Variants in ZNF236 observed in about 807,000 individuals in gnomAD.
The protein encoded by ZNF236 is zinc finger protein 236.
In ZNF236, 50 loss-of-function variants were observed where a neutral mutation model predicts 191.2. The observed-to-expected ratio is 0.26, with a 90% CI of 0.21 to 0.33. The LOEUF (loss-of-function observed/expected upper bound fraction) is 0.33. Ranked by LOEUF, ZNF236 falls within the 10% of genes least tolerant of loss-of-function variation. ZNF236 has a pLI of 1.00. For synonymous variants in ZNF236, 907 were observed against 928.8 expected (o/e 0.98, Z 0.43); for missense variants, 1,754 against 2,374.5 (o/e 0.74, Z 5.43).
intron 1 of ZNF236, among the ~76,000 whole-genome samples, chr18:76,831,263 T>C (rs911593395): frequency 1.3e-5 from 2 of 152,232 alleles, no homozygotes; most frequent in African/African-American, 4.8e-5. Flanking sequence ...ATTGTCCTTA[T>C]AGTTTTGCCT....
intron 3 of ZNF236, among the ~76,000 whole-genome samples, chr18:76,858,382 C>A (rs908168700): frequency 2.0e-5 from 3 of 152,138 alleles, no homozygotes; most frequent in African/African-American, 7.2e-5. Flanking sequence ...CTTTTTTGAA[C>A]AATTTTCAAG....
intron 12 of ZNF236, 107 bp downstream of exon 12, chr18:76,904,628 A>G: frequency 1.0e-6 from 1 of 998,204 alleles, no homozygotes; most frequent in Non-Finnish European, 1.4e-6. Flanking sequence ...TTGGTATTAA[A>G]GATGTCACAT....
Position 76,912,395 on chromosome 18 carries a change from C to G in ZNF236, c.2909+48C>G, listed in dbSNP as rs756970237. ...TCATGGTATTGCCGGCTCCCAGGAA[C>G]GGATGCTGCTGTGTGTTTGCCCCGC... On this transcript the variant is annotated intron_variant, in intron 17 of 30. Coordinates refer to ENST00000320610, the MANE Select transcript of ZNF236 (RefSeq NM_001306089.2). 14 of 1,426,646 alleles carry G rather than the reference C, an allele frequency of 9.8e-6. No individual in the cohort carries two copies. The African/African-American group carries it at 2.0e-4, about 20-fold the overall frequency. The allele number at this position is 1,426,646 out of a possible 1,614,324, so 88.4% of individuals were successfully genotyped here. A position where few individuals can be genotyped will look rare whatever the true frequency, so the allele number is the denominator to read the frequency against.
intron 3 of ZNF236, among the ~76,000 whole-genome samples, chr18:76,856,677 T>C (rs1424824052): frequency 6.6e-6 from 1 of 152,162 alleles, no homozygotes; most frequent in East Asian, 1.9e-4. Context: ...TGTGTGGGGA[T>C]TATTGGTCTT....
chr18:76,862,021 G>A (rs1230605010), intron 3 of ZNF236, among the ~76,000 whole-genome samples: 5 of 152,044 alleles, frequency 3.3e-5, no homozygotes, highest in African/African-American at 4.8e-5. Context: ...CCGTCACCAC[G>A]CCCGGCTAGT....
At chr18:76,895,819 C>A (rs1977388571) in intron 10 of ZNF236, among the ~76,000 whole-genome samples, 1 of 150,926 alleles carries the variant, frequency 6.6e-6, no homozygotes, top group African/African-American at 2.4e-5. Context: ...ACAGGTACTA[C>A]TGCTCACAAA....
chr18:76,834,558 C>G (rs1201312262), intron 1 of ZNF236: 4 of 485,012 alleles, frequency 8.2e-6, no homozygotes, highest in Non-Finnish European at 1.6e-5. Flanking sequence ...TGATAACCAC[C>G]TTGCTGGGGT....
intron 8 of ZNF236, 103 bp from the exon 9 acceptor site, chr18:76,881,181 T>G: frequency 1.0e-6 from 1 of 989,782 alleles, no homozygotes; most frequent in Non-Finnish European, 1.5e-6. Context: ...TTCTTATTTC[T>G]TGGAGTGGAA....
intron 8 of ZNF236, 97 bp from the exon 9 acceptor site, chr18:76,881,187 T>C: frequency 9.7e-7 from 1 of 1,028,504 alleles, no homozygotes; most frequent in Non-Finnish European, 1.4e-6. Context: ...TTTCTTGGAG[T>C]GGAATTAGAA....
intron 5 of ZNF236, among the ~76,000 whole-genome samples, chr18:76,873,682 C>T (rs1331509323): frequency 6.6e-6 from 1 of 152,196 alleles, no homozygotes; most frequent in Non-Finnish European, 1.5e-5. Context: ...CAGCAGGGCT[C>T]CTGTCCAAAG....
At chr18:76,947,840 C>T (rs902236504) in intron 27 of ZNF236, among the ~76,000 whole-genome samples, 188 bp downstream of exon 27, 10 of 152,028 alleles carry the variant, frequency 6.6e-5, no homozygotes, top group African/African-American at 2.4e-4. Flanking sequence ...ATGACAGGTA[C>T]GATATCTCAT....
rs529887684 is a variant in ZNF236, at chr18:76,971,673, C to T, written c.*3334C>T. Among the ~76,000 whole-genome samples the T allele has an allele frequency of 6.6e-6, 1 of 152,238 alleles. No individual in the cohort carries two copies. The highest frequency in any genetic ancestry group is 2.4e-5 in the African/African-American group (1 of 41,550). ...GATTTCTTGTCTTGCTGTGGGTTTTCCTCATTTTAGAAGAATATTTGTAAC... is the reference window on the plus strand; with the variant it reads ...GATTTCTTGTCTTGCTGTGGGTTTTTCTCATTTTAGAAGAATATTTGTAAC... On this transcript the variant is annotated 3_prime_UTR_variant, in exon 31 of 31. Coordinates refer to ENST00000320610, the MANE Select transcript of ZNF236 (RefSeq NM_001306089.2).
chr18:76,968,488 TC>T lies in ZNF236; in HGVS notation c.*150del. The T allele has an allele frequency of 3.5e-6, 5 of 1,415,380 alleles. No homozygotes were observed. The highest frequency in any genetic ancestry group is 9.1e-7 in the Non-Finnish European group (1 of 1,097,034). 87.7% of individuals were successfully genotyped at this position (1,415,380 alleles called of 1,614,324 possible). Reference sequence around the variant, plus strand: ...AAATTATCTAAAGAATCATTGTCTTTCAGAGACTCATAGGAAAAAAAAACTA... The same window carrying T: ...AAATTATCTAAAGAATCATTGTCTTTAGAGACTCATAGGAAAAAAAAACTA... On this transcript the variant is annotated 3_prime_UTR_variant, in exon 31 of 31. Transcript: ENST00000320610.
intron 10 of ZNF236, among the ~76,000 whole-genome samples, chr18:76,896,389 TCGAACACAGTAC>T (rs1470016350): frequency 8.5e-6 from 1 of 118,274 alleles, no homozygotes; most frequent in Non-Finnish European, 1.8e-5. Flanking sequence ...AAACTCAGTA[TCGAACACAGTAC>T]CAAACACAGT....
chr18:76,865,567 T>C (rs1976383742), intron 3 of ZNF236, among the ~76,000 whole-genome samples: 1 of 152,170 alleles, frequency 6.6e-6, no homozygotes. Flanking sequence ...GCAGGTACTT[T>C]GAGGTCTGGG....
chr18:76,964,143 G>A (rs1362356178), intron 30 of ZNF236, among the ~76,000 whole-genome samples: 1 of 152,136 alleles, frequency 6.6e-6, no homozygotes, highest in African/African-American at 2.4e-5. Flanking sequence ...AGTTCCTTGA[G>A]GTGTGACCTT....
rs758264822 is a variant in ZNF236, at chr18:76,894,988, C to A, written c.1418-25C>A. On this transcript the variant is annotated intron_variant, in intron 9 of 30. Coordinates refer to ENST00000320610, the MANE Select transcript of ZNF236 (RefSeq NM_001306089.2). The stretch of plus-strand genomic sequence containing the variant: ...CCCTAGGCGGGGTGTCCAGGCCAAG[C>A]GGGACGTGTCCTCTCCCTTCACAGG... 3 of 1,602,982 alleles carry A rather than the reference C, an allele frequency of 1.9e-6. No homozygotes were observed. The Admixed American group carries it at 5.0e-5, about 27-fold the overall frequency.
At chr18:76,947,744 G>A (rs1968300146) in intron 27 of ZNF236, 92 bp downstream of exon 27, 3 of 1,458,564 alleles carry the variant, frequency 2.1e-6, no homozygotes, top group Admixed American at 2.2e-5. Context: ...TGGGCGTGCT[G>A]TGTGACCCAG....
rs114037846 is a variant in ZNF236 at position 76,883,229 on chromosome 18, G to A, written c.1417+1717G>A. Reference sequence around the variant, plus strand: ...TAGTTTGGGGTGCTGTGTTTACAGAGTTGGTAACAATTAGGTACTTTCTGG... The same window carrying A: ...TAGTTTGGGGTGCTGTGTTTACAGAATTGGTAACAATTAGGTACTTTCTGG... On this transcript the variant is annotated intron_variant, in intron 9 of 30. Coordinates refer to ENST00000320610, the MANE Select transcript of ZNF236 (RefSeq NM_001306089.2). Among the ~76,000 whole-genome samples the A allele has an allele frequency of 4.9e-3, 745 of 152,300 alleles. 6 individuals carry two copies. Among genetic ancestry groups the A allele is most frequent in the African/African-American group, 0.017 (712 of 41,570 alleles).
Sources: allele counts gnomAD v4.1 joint callset (sites outside exome capture counted in the v4.1 genomes callset), GRCh38; gene constraint gnomAD v4.1.1; transcripts MANE v1.5; gene names NCBI Gene and HGNC (gene_info 2026-07-23, HGNC 2026-07-21).